THEMIS: variants seen among roughly 807,000 people sequenced by gnomAD.
The protein encoded by THEMIS is protein THEMIS.
A neutral mutation model predicts 52.6 loss-of-function variants in THEMIS; 37 were observed. The observed-to-expected ratio is 0.70, with a 90% confidence interval of 0.54 to 0.93. The LOEUF (loss-of-function observed/expected upper bound fraction) is 0.93, where lower values mean the gene tolerates loss of function less well. Among genes scored for constraint, THEMIS ranks in the 40% least tolerant of loss-of-function variants. The pLI, the probability that THEMIS is intolerant of heterozygous loss-of-function variation, is 0.00. For missense variants in THEMIS, 808 were observed against 763.1 expected (o/e 1.06, Z -0.69); for synonymous variants, 292 against 272.7 (o/e 1.07, Z -0.70).
At chr6:127,765,536 C>T (rs1415570698) in intron 4 of THEMIS, among the ~76,000 whole-genome samples, 1 of 152,114 alleles carries the variant, frequency 6.6e-6, no homozygotes, top group Admixed American at 6.5e-5. Flanking sequence ...TAAGGAACTA[C>T]TACTCGAGCT....
chr6:127,763,337 AAAAATC>A (rs1467099602), intron 4 of THEMIS, among the ~76,000 whole-genome samples: 3 of 152,018 alleles, frequency 2.0e-5, no homozygotes, highest in Non-Finnish European at 4.4e-5. Flanking sequence ...TTGAATCATC[AAAAATC>A]AATATTCGTG....
intron 4 of THEMIS, among the ~76,000 whole-genome samples, chr6:127,742,094 T>C (rs1583220627): frequency 1.3e-5 from 2 of 151,890 alleles, no homozygotes; most frequent in East Asian, 1.9e-4. Context: ...GCAGATCACC[T>C]GATGTCAGGA....
chr6:127,902,671 G>A (rs901538062), upstream of THEMIS, among the ~76,000 whole-genome samples: 17 of 152,042 alleles, frequency 1.1e-4, no homozygotes, highest in East Asian at 2.9e-3. Flanking sequence ...ACATCAACAG[G>A]TTTACTATCA....
At chr6:127,702,106 C>T in the THEMIS span, among the ~76,000 whole-genome samples, 1 of 151,978 alleles carries the variant, frequency 6.6e-6, no homozygotes, top group Non-Finnish European at 1.5e-5. Context: ...GTAAGCCCCT[C>T]TGTTTTTGTT....
chr6:127,910,144 T>C (rs145626516), intron 1 of THEMIS: 2 of 152,292 alleles, frequency 1.3e-5, no homozygotes, highest in East Asian at 1.9e-4. Flanking sequence ...TTCTAGTGCA[T>C]CTAATTTCCT....
At position 127,777,844 on chromosome 6, in the gene THEMIS, G is replaced by A. The variant is rs571236483; in HGVS notation, c.1758+35039C>T. ...CTAAAGATTGCTTTTTCAGATTAGA[G>A]TACATATGGAAAGGCCATAGACATC... On this transcript the variant is annotated intron_variant, in intron 4 of 5. Transcript: ENST00000368248. 3.3e-5 allele frequency among the ~76,000 whole-genome samples: 5 copies of A among 152,210 alleles called. 1 individual carries two copies. Among genetic ancestry groups the A allele is most frequent in the African/African-American group, 9.6e-5 (4 of 41,542 alleles).
intron 4 of THEMIS, among the ~76,000 whole-genome samples, chr6:127,762,195 C>T (rs1160920308): frequency 6.6e-6 from 1 of 151,970 alleles, no homozygotes; most frequent in African/African-American, 2.4e-5. Context: ...TATGATGTAT[C>T]TAAAACTAGG....
intron 5 of THEMIS, among the ~76,000 whole-genome samples, chr6:127,717,569 T>G (rs1220148310): frequency 3.3e-5 from 5 of 151,948 alleles, no homozygotes; most frequent in Admixed American, 3.3e-4. Flanking sequence ...CATCAGTGGC[T>G]GACAGCACTG....
intron 4 of THEMIS, among the ~76,000 whole-genome samples, chr6:127,798,926 A>C: frequency 6.8e-6 from 1 of 147,664 alleles, no homozygotes; most frequent in African/African-American, 2.5e-5. Context: ...CGGGAGGCGG[A>C]GCTTGCAGTG....
At chr6:127,876,876 G>A (rs1276855429) in intron 1 of THEMIS, among the ~76,000 whole-genome samples, 1 of 152,108 alleles carries the variant, frequency 6.6e-6, no homozygotes, top group African/African-American at 2.4e-5. Context: ...ACTTCAGCTA[G>A]ATAATGAAAT....
intron 4 of THEMIS, among the ~76,000 whole-genome samples, chr6:127,768,867 C>G (rs1043713239): frequency 1.3e-5 from 2 of 152,174 alleles, no homozygotes; most frequent in African/African-American, 4.8e-5. Context: ...ATCCTTTTGG[C>G]TTCCCTGTTC....
chr6:127,850,777 G>A (rs1779395396), intron 2 of THEMIS, among the ~76,000 whole-genome samples: 2 of 151,544 alleles, frequency 1.3e-5, no homozygotes, highest in African/African-American at 4.8e-5. Flanking sequence ...CTACATATTG[G>A]GTAGAGTGTT....
chr6:127,797,062 T>G (rs911715297), intron 4 of THEMIS, among the ~76,000 whole-genome samples: 1 of 152,188 alleles, frequency 6.6e-6, no homozygotes, highest in African/African-American at 2.4e-5. Flanking sequence ...CCACTTGAGT[T>G]TTTTAAGTCT....
the THEMIS span, among the ~76,000 whole-genome samples, chr6:127,699,637 T>C: frequency 1.3e-4 from 20 of 151,814 alleles, no homozygotes; most frequent in Admixed American, 1.1e-3. Flanking sequence ...CTGTACATGA[T>C]TAATTGGATT....
intron 3 of THEMIS, among the ~76,000 whole-genome samples, chr6:127,825,757 T>A (rs971034099): frequency 2.0e-5 from 3 of 152,072 alleles, no homozygotes; most frequent in Admixed American, 1.3e-4. Context: ...GGAAAATAAA[T>A]TAATAGAAAA....
intron 4 of THEMIS, among the ~76,000 whole-genome samples, chr6:127,746,915 TTATATATAGATA>T (rs1775433937): frequency 1.7e-5 from 1 of 58,250 alleles, no homozygotes; most frequent in Non-Finnish European, 2.8e-5. Context: ...TTATATATAA[TTATATATAGATA>T]TCTATAATTA....
chr6:127,861,973 T>C lies in THEMIS; in HGVS notation c.92-6785A>G, dbSNP rs547023082. On this transcript the variant is annotated intron_variant, in intron 1 of 5. Coordinates refer to ENST00000368248, the MANE Select transcript of THEMIS (RefSeq NM_001010923.3). ...TTATTGTATTTTATCAAAGTACTAATTCATGATGGATCAGAAAAGGAAAAT... is the reference window on the plus strand; with the variant it reads ...TTATTGTATTTTATCAAAGTACTAACTCATGATGGATCAGAAAAGGAAAAT... 3.9e-5 allele frequency among the ~76,000 whole-genome samples: 6 copies of C among 152,242 alleles called. No individual in the cohort carries two copies. The East Asian group carries it at 1.2e-3, about 29-fold the overall frequency.
chr6:127,815,254 G>A (rs1778086703), intron 3 of THEMIS, among the ~76,000 whole-genome samples: 1 of 152,008 alleles, frequency 6.6e-6, no homozygotes, highest in African/African-American at 2.4e-5. Context: ...AAATTTTATA[G>A]CATTTTCATG....
At chr6:127,702,058 A>G in the THEMIS span, among the ~76,000 whole-genome samples, 1 of 151,810 alleles carries the variant, frequency 6.6e-6, no homozygotes, top group Non-Finnish European at 1.5e-5. Context: ...CTTAGAGTAT[A>G]CCCTTTAGAT....
Sources: gnomAD v4.1 joint callset for allele counts (sites outside exome capture counted in the v4.1 genomes callset) on GRCh38, gnomAD v4.1.1 for gene constraint, MANE v1.5 for transcripts, NCBI Gene and HGNC (gene_info 2026-07-23, HGNC 2026-07-21) for gene names.